ACSM3: variants seen among roughly 807,000 people sequenced by gnomAD.
ACSM3 encodes the protein acyl-CoA synthetase medium chain family member 3, also known as acyl-coenzyme A synthetase ACSM3, mitochondrial.
ACSM3 carries 61 observed loss-of-function variants against 74.1 expected under a neutral mutation model. The ratio of observed to expected loss-of-function variants is 0.82; its 90% CI spans 0.67 to 1.02. The LOEUF is 1.02. Ranked by LOEUF, ACSM3 falls within the 50% of genes least tolerant of loss-of-function variation. ACSM3 has a pLI of 0.00. For missense variants in ACSM3, 660 were observed against 697.0 expected (o/e 0.95, Z 0.60); for synonymous variants, 213 against 241.5 (o/e 0.88, Z 1.09).
intron 1 of ACSM3, among the ~76,000 whole-genome samples, chr16:20,747,268 C>G (rs906460799): frequency 6.6e-6 from 1 of 152,094 alleles, no homozygotes; most frequent in African/African-American, 2.4e-5. Flanking sequence ...TCCGCCTTCC[C>G]CCTTATCATT....
At chr16:20,675,304 C>T (rs545043746) in intron 1 of ACSM3, among the ~76,000 whole-genome samples, 3 of 152,184 alleles carry the variant, frequency 2.0e-5, no homozygotes, top group African/African-American at 4.8e-5. Context: ...GAGGCCAATG[C>T]GGGGAGTAAT....
In ACSM3 at chr16:20,781,046, G is replaced by T. The variant is rs1318176496; in HGVS notation, c.855G>T (p.Trp285Cys). 3.1e-6 allele frequency: 5 copies of T among 1,614,082 alleles called. No individual in the cohort carries two copies. The highest frequency in any genetic ancestry group is 1.7e-5 in the Admixed American group (1 of 59,998). Residue 285 changes from tryptophan (W) to cysteine (C), a missense_variant, in exon 6 of 14, where the codon TGG becomes TGT. By Grantham distance (215) the Trp-to-Cys change is radical (BLOSUM62 -2). Coordinates refer to ENST00000289416, the MANE Select transcript of ACSM3 (RefSeq NM_005622.4). ...TSDTGWAKSAWSSVFSPWIQG... is the reference protein window; with the variant it reads ...TSDTGWAKSACSSVFSPWIQG... ...ATACGGGCTGGGCAAAGTCTGCATG[G>T]AGTAGTGTTTTTTCTCCGTGGATCC...
chr16:20,745,266 C>CT (rs1198396943), intron 1 of ACSM3, among the ~76,000 whole-genome samples: 1 of 152,160 alleles, frequency 6.6e-6, no homozygotes, highest in Non-Finnish European at 1.5e-5. Context: ...ACCAGGGACT[C>CT]TGTCGCTTGA....
intron 1 of ACSM3, among the ~76,000 whole-genome samples, chr16:20,709,873 C>A (rs1435874897): frequency 1.3e-5 from 2 of 152,168 alleles, no homozygotes; most frequent in South Asian, 4.1e-4. Context: ...ACCTTTGAAT[C>A]CTTTCAGTTC....
At chr16:20,733,303 TAA>T (rs1442791363) in intron 1 of ACSM3, among the ~76,000 whole-genome samples, 3 of 152,102 alleles carry the variant, frequency 2.0e-5, no homozygotes, top group Non-Finnish European at 4.4e-5. Context: ...TAATTCAAAA[TAA>T]AGATATATCC....
At chr16:20,676,481 A>G (rs1388238590) in intron 1 of ACSM3, among the ~76,000 whole-genome samples, 1 of 152,234 alleles carries the variant, frequency 6.6e-6, no homozygotes, top group Non-Finnish European at 1.5e-5. Flanking sequence ...TGGTGGACAC[A>G]GCATTTGTAA....
intron 1 of ACSM3, chr16:20,749,558 G>C (rs1050406820): frequency 1.3e-5 from 2 of 152,372 alleles, no homozygotes; most frequent in East Asian, 1.9e-4. Context: ...TTCCTTGGTT[G>C]ATATTCCCCT....
intron 1 of ACSM3, among the ~76,000 whole-genome samples, chr16:20,709,562 T>A (rs1010369354): frequency 6.6e-6 from 1 of 152,208 alleles, no homozygotes; most frequent in South Asian, 2.1e-4. Context: ...ATCACAAATA[T>A]ACCACGGATA....
At chr16:20,692,358 GA>G (rs1455210926) in intron 1 of ACSM3, among the ~76,000 whole-genome samples, 6 of 152,160 alleles carry the variant, frequency 3.9e-5, no homozygotes, top group Non-Finnish European at 8.8e-5. Context: ...AGAAAGGTGG[GA>G]AAACCTAAAG....
chr16:20,753,456 T>G (rs1467532959), intron 2 of ACSM3, among the ~76,000 whole-genome samples: 8 of 119,944 alleles, frequency 6.7e-5, no homozygotes, highest in Non-Finnish European at 9.1e-5. Flanking sequence ...AGAACGAGAC[T>G]GTCTCCAAAA....
chr16:20,685,590 G>A (rs1438285915), intron 1 of ACSM3, among the ~76,000 whole-genome samples: 1 of 151,958 alleles, frequency 6.6e-6, no homozygotes, highest in Non-Finnish European at 1.5e-5. Context: ...AGGAGGTGGA[G>A]GCAGGTTGAT....
intron 1 of ACSM3, chr16:20,718,293 T>C: frequency 2.2e-6 from 1 of 450,120 alleles, no homozygotes; most frequent in Non-Finnish European, 3.5e-6. Flanking sequence ...AGAAGAAATA[T>C]CAGAGTTAAA....
chr16:20,727,531 A>G (rs912324445), intron 1 of ACSM3: 7 of 311,446 alleles, frequency 2.2e-5, no homozygotes, highest in Non-Finnish European at 3.2e-5. Flanking sequence ...AGGATTTTCA[A>G]CCTGAGCCCC....
At chr16:20,748,576 C>T (rs923867964) in intron 1 of ACSM3, among the ~76,000 whole-genome samples, 2 of 152,182 alleles carry the variant, frequency 1.3e-5, no homozygotes, top group Non-Finnish European at 2.9e-5. Context: ...TAAGTGTTCA[C>T]TGCTGCTGTT....
intron 1 of ACSM3, among the ~76,000 whole-genome samples, chr16:20,701,242 C>A (rs1450054313): frequency 6.6e-6 from 1 of 152,150 alleles, no homozygotes; most frequent in Non-Finnish European, 1.5e-5. Context: ...TATAGGCTGT[C>A]TCTATCCTAT....
At chr16:20,786,348 A>G in intron 9 of ACSM3, 190 bp downstream of exon 9, 1 of 1,210,486 alleles carries the variant, frequency 8.3e-7, no homozygotes, top group Non-Finnish European at 1.1e-6. Flanking sequence ...TTTTGCAAAT[A>G]CCCATATTGT....
intron 1 of ACSM3, among the ~76,000 whole-genome samples, chr16:20,707,120 G>T (rs1407186792): frequency 6.6e-6 from 1 of 152,216 alleles, no homozygotes; most frequent in East Asian, 1.9e-4. Flanking sequence ...GTTCTGCCCA[G>T]CCAGGGAATA....
At chr16:20,786,326 T>C in intron 9 of ACSM3, 168 bp downstream of exon 9, 1 of 1,336,868 alleles carries the variant, frequency 7.5e-7, no homozygotes, top group Non-Finnish European at 9.9e-7. Flanking sequence ...GTTAGCTTCT[T>C]GGTCTCCATT....
In ACSM3 at chr16:20,737,699, G is replaced by T. The variant is rs574505711; in HGVS notation, c.-189-12211G>T. The T allele has an allele frequency of 1.1e-4, 174 of 1,597,112 alleles. 2 individuals carry two copies. In the South Asian group the frequency reaches 1.9e-3, roughly 17 times the overall value. On this transcript the variant is annotated intron_variant, in intron 1 of 3. Transcript: ENST00000561584. ...GAATGCCTATGGAAAATCACTAAGA[G>T]AAACATACCTGCCAATTCTCTGATA...
Sources: allele counts gnomAD v4.1 joint callset (sites outside exome capture counted in the v4.1 genomes callset), GRCh38; gene constraint gnomAD v4.1.1; transcripts MANE v1.5; gene names NCBI Gene and HGNC (gene_info 2026-07-23, HGNC 2026-07-21).